Variants in GALNT13 observed in about 807,000 individuals in gnomAD.
GALNT13 encodes polypeptide N-acetylgalactosaminyltransferase 13, also known as UDP-GalNAc:polypeptide N-acetylgalactosaminyltransferase 13.
In GALNT13, 28 loss-of-function variants were observed where a neutral mutation model predicts 64.2. The ratio of observed to expected loss-of-function variants is 0.44; its 90% confidence interval spans 0.32 to 0.60. The LOEUF (loss-of-function observed/expected upper bound fraction) is 0.60, where lower values mean the gene tolerates loss of function less well. GALNT13 is among the 20% of genes least tolerant of loss of function. The pLI, the probability that GALNT13 is intolerant of heterozygous loss-of-function variation, is 0.05. For missense variants in GALNT13, 577 were observed against 669.8 expected (o/e 0.86, Z 1.53); for synonymous variants, 214 against 224.6 (o/e 0.95, Z 0.42).
At chr2:153,644,059 T>C in the GALNT13 span, among the ~76,000 whole-genome samples, 2 of 151,884 alleles carry the variant, frequency 1.3e-5, no homozygotes, top group African/African-American at 4.8e-5. Flanking sequence ...ATCTTATCAG[T>C]ATGGTAAAAT....
At chr2:153,220,005 C>G in the GALNT13 span, among the ~76,000 whole-genome samples, 2 of 152,224 alleles carry the variant, frequency 1.3e-5, no homozygotes, top group African/African-American at 4.8e-5. Flanking sequence ...TACTCCCCTT[C>G]ATCCTCGCTT....
the GALNT13 span, among the ~76,000 whole-genome samples, chr2:153,653,733 C>G: frequency 6.6e-6 from 1 of 152,066 alleles, no homozygotes. Context: ...GCTTTAACAT[C>G]TAATTCATTA....
At chr2:153,891,501 T>C (rs1051994958) in intron 1 of GALNT13, among the ~76,000 whole-genome samples, 5 of 150,248 alleles carry the variant, frequency 3.3e-5, no homozygotes, top group African/African-American at 9.9e-5. Flanking sequence ...CTGCCACTTA[T>C]GTCATTTATA....
intron 4 of GALNT13, among the ~76,000 whole-genome samples, chr2:154,218,960 C>G (rs1485714191): frequency 6.6e-6 from 1 of 151,950 alleles, no homozygotes; most frequent in Non-Finnish European, 1.5e-5. Flanking sequence ...TGCCTAAGTG[C>G]TCTCTTTTGA....
the GALNT13 span, among the ~76,000 whole-genome samples, chr2:153,103,115 C>T: frequency 6.6e-6 from 1 of 152,116 alleles, no homozygotes; most frequent in Non-Finnish European, 1.5e-5. Flanking sequence ...TAAATCAGAT[C>T]ATGTTAATTT....
intron 3 of GALNT13, among the ~76,000 whole-genome samples, chr2:154,024,480 G>A (rs1697788463): frequency 6.6e-6 from 1 of 151,898 alleles, no homozygotes; most frequent in Admixed American, 6.6e-5. Context: ...CCAGTTCATT[G>A]CATCGGCTCC....
chr2:153,411,520 C>T, the GALNT13 span, among the ~76,000 whole-genome samples: 1 of 152,088 alleles, frequency 6.6e-6, no homozygotes, highest in East Asian at 1.9e-4. Context: ...AGAATGTATG[C>T]ATGACACTGA....
the GALNT13 span, among the ~76,000 whole-genome samples, chr2:153,464,265 T>A: frequency 6.6e-6 from 1 of 152,108 alleles, no homozygotes; most frequent in Non-Finnish European, 1.5e-5. Context: ...GTTAGCCATA[T>A]GTTTGGGATC....
chr2:153,511,228 A>T, the GALNT13 span, among the ~76,000 whole-genome samples: 3 of 151,974 alleles, frequency 2.0e-5, no homozygotes, highest in Non-Finnish European at 4.4e-5. Context: ...GAGATAGGAG[A>T]AAGAAGAAAT....
At chr2:154,243,741 A>T (rs1257428414) in intron 6 of GALNT13, among the ~76,000 whole-genome samples, 3 of 152,224 alleles carry the variant, frequency 2.0e-5, no homozygotes, top group Admixed American at 6.5e-5. Flanking sequence ...TGATACAATA[A>T]CAAAACATTA....
At chr2:153,899,931 ATATATTTT>A (rs1362929854) in intron 1 of GALNT13, among the ~76,000 whole-genome samples, 96 of 102,534 alleles carry the variant, frequency 9.4e-4, no homozygotes, top group African/African-American at 2.4e-3. Context: ...ATATATATAT[ATATATTTT>A]TTTTTTTTTT....
At chr2:154,150,633 C>T (rs942768806) in intron 4 of GALNT13, among the ~76,000 whole-genome samples, 9 of 152,176 alleles carry the variant, frequency 5.9e-5, no homozygotes, top group African/African-American at 2.2e-4. Flanking sequence ...TTCAGAGATT[C>T]AACTTCTTCC....
the GALNT13 span, among the ~76,000 whole-genome samples, chr2:153,162,152 G>GTAT: frequency 2.6e-5 from 4 of 152,080 alleles, no homozygotes; most frequent in African/African-American, 9.7e-5. Context: ...GTCAATTGAG[G>GTAT]TATTCTACAT....
In GALNT13 at chr2:154,157,963, C is replaced by G. The variant is rs1015855625; in HGVS notation, c.311+17458C>G. 6.6e-5 allele frequency among the ~76,000 whole-genome samples: 10 copies of G among 152,188 alleles called. No individual in the cohort carries two copies. The East Asian group carries it at 1.7e-3, about 26-fold the overall frequency. On this transcript the variant is annotated intron_variant, in intron 4 of 12. Transcript: ENST00000392825. Reference sequence around the variant, plus strand: ...CCTTCCCTTCATTATTTGCTGATACCTTTTCACCCTAACCCCAAGCGTAGA... The same window carrying G: ...CCTTCCCTTCATTATTTGCTGATACGTTTTCACCCTAACCCCAAGCGTAGA...
At chr2:153,457,563 C>A in the GALNT13 span, among the ~76,000 whole-genome samples, 7 of 151,964 alleles carry the variant, frequency 4.6e-5, no homozygotes, top group African/African-American at 1.7e-4. Context: ...TTCATTTAAC[C>A]CTCATAAAAA....
intron 9 of GALNT13, among the ~76,000 whole-genome samples, chr2:154,387,379 C>G (rs1160205028): frequency 6.6e-6 from 1 of 151,996 alleles, no homozygotes; most frequent in African/African-American, 2.4e-5. Flanking sequence ...CAGACACAAA[C>G]AGTATGGAAT....
the GALNT13 span, among the ~76,000 whole-genome samples, chr2:153,398,705 G>C: frequency 0.069 from 10,375 of 151,344 alleles, 498 homozygotes; most frequent in African/African-American, 0.14. Context: ...GTGTTTTTTG[G>C]CTGCATAAAT....
chr2:153,169,673 T>C, the GALNT13 span, among the ~76,000 whole-genome samples: 1 of 152,166 alleles, frequency 6.6e-6, no homozygotes, highest in African/African-American at 2.4e-5. Context: ...TGGCTATGGC[T>C]GAACTCCCAA....
At chr2:153,239,863 C>G in the GALNT13 span, among the ~76,000 whole-genome samples, 4 of 152,042 alleles carry the variant, frequency 2.6e-5, no homozygotes, top group African/African-American at 9.7e-5. Flanking sequence ...AGTATTGCCT[C>G]TATTTTTCAG....
Sources: allele counts gnomAD v4.1 joint callset (sites outside exome capture counted in the v4.1 genomes callset), GRCh38; gene constraint gnomAD v4.1.1; transcripts MANE v1.5; gene names NCBI Gene and HGNC (gene_info 2026-07-23, HGNC 2026-07-21).